The following PLXDC2 variants were observed in gnomAD, a reference collection of about 807,000 sequenced individuals.
PLXDC2 encodes plexin domain-containing protein 2.
A neutral mutation model predicts 68.9 loss-of-function variants in PLXDC2; 40 were observed. That is an observed-to-expected ratio of 0.58 (90% confidence interval 0.45 to 0.76). PLXDC2 has a LOEUF of 0.76. Among genes scored for constraint, PLXDC2 ranks in the 30% least tolerant of loss-of-function variants. The probability of loss-of-function intolerance (pLI) is 0.00; values close to 1 mark genes in which losing one functional copy is unlikely to be tolerated. For missense variants in PLXDC2, 644 were observed against 661.9 expected (o/e 0.97, Z 0.30); for synonymous variants, 243 against 234.2 (o/e 1.04, Z -0.34).
At chr10:20,002,425 A>G (rs1482010907) in intron 2 of PLXDC2, among the ~76,000 whole-genome samples, 1 of 151,814 alleles carries the variant, frequency 6.6e-6, no homozygotes, top group Non-Finnish European at 1.5e-5. Context: ...ACTTTTGGCT[A>G]TTTTTTGTAT....
intron 4 of PLXDC2, among the ~76,000 whole-genome samples, chr10:20,128,153 C>G (rs1254201596): frequency 6.6e-6 from 1 of 152,172 alleles, no homozygotes; most frequent in Non-Finnish European, 1.5e-5. Flanking sequence ...TTTGCAAACA[C>G]AGGGCAGTCT....
At chr10:20,135,754 C>G (rs1833925443) in intron 4 of PLXDC2, among the ~76,000 whole-genome samples, 1 of 152,018 alleles carries the variant, frequency 6.6e-6, no homozygotes. Flanking sequence ...CTTTTTTCCC[C>G]CAAGGAATGG....
chr10:20,213,337 C>T (rs1205701497), intron 10 of PLXDC2, among the ~76,000 whole-genome samples: 1 of 151,998 alleles, frequency 6.6e-6, no homozygotes, highest in Non-Finnish European at 1.5e-5. Context: ...CAATATCTTG[C>T]AAAGTCACCT....
intron 4 of PLXDC2, 26 bp from the exon 5 acceptor site, chr10:20,143,267 AAT>A (rs1361715662): frequency 6.3e-7 from 1 of 1,584,452 alleles, no homozygotes; most frequent in Non-Finnish European, 8.6e-7. Flanking sequence ...TCTTTTTCTG[AAT>A]ATGTTTCCTA....
chr10:20,205,451 A>C (rs1341749109), intron 9 of PLXDC2, among the ~76,000 whole-genome samples: 1 of 152,130 alleles, frequency 6.6e-6, no homozygotes, highest in Non-Finnish European at 1.5e-5. Flanking sequence ...ATTTCTGTCC[A>C]TTTTGAATAA....
chr10:19,979,129 T>C (rs191510365), intron 1 of PLXDC2, among the ~76,000 whole-genome samples: 1 of 152,274 alleles, frequency 6.6e-6, no homozygotes, highest in Non-Finnish European at 1.5e-5. Context: ...TAACCAAACA[T>C]TCATAAACTT....
intron 12 of PLXDC2, among the ~76,000 whole-genome samples, chr10:20,232,349 C>G (rs1415919755): frequency 6.6e-6 from 1 of 152,008 alleles, no homozygotes; most frequent in Non-Finnish European, 1.5e-5. Context: ...AGGAATTCCA[C>G]TTCTATGTAT....
At chr10:19,841,493 T>C (rs1836904200) in intron 1 of PLXDC2, among the ~76,000 whole-genome samples, 1 of 151,892 alleles carries the variant, frequency 6.6e-6, no homozygotes, top group Non-Finnish European at 1.5e-5. Context: ...GTTTATCATC[T>C]AGTGATCATA....
chr10:19,959,950 G>A (rs1296972528), intron 1 of PLXDC2, among the ~76,000 whole-genome samples: 1 of 152,136 alleles, frequency 6.6e-6, no homozygotes, highest in African/African-American at 2.4e-5. Flanking sequence ...GTACTATGTG[G>A]CACAGATGTG....
chr10:20,087,728 G>C (rs1012394210), intron 4 of PLXDC2, among the ~76,000 whole-genome samples: 6 of 152,146 alleles, frequency 3.9e-5, no homozygotes, highest in Non-Finnish European at 7.3e-5. Context: ...TAAAACCAAG[G>C]CCGATATATT....
chr10:20,201,914 C>G (rs887463389), intron 9 of PLXDC2, among the ~76,000 whole-genome samples: 3 of 152,130 alleles, frequency 2.0e-5, no homozygotes, highest in Admixed American at 2.0e-4. Flanking sequence ...CGAGGTTGAA[C>G]GTAAAACTAA....
chr10:20,005,973 T>G (rs774676245), intron 2 of PLXDC2, among the ~76,000 whole-genome samples: 5 of 152,166 alleles, frequency 3.3e-5, no homozygotes, highest in Non-Finnish European at 5.9e-5. Context: ...GCAGATCACC[T>G]GAAGTCAGTA....
At chr10:19,868,053 G>A (rs961561013) in intron 1 of PLXDC2, among the ~76,000 whole-genome samples, 2 of 152,072 alleles carry the variant, frequency 1.3e-5, no homozygotes, top group African/African-American at 4.8e-5. Context: ...CCGTTTCAAT[G>A]TGATACGTGG....
chr10:19,869,208 G>A (rs1383757985), intron 1 of PLXDC2, among the ~76,000 whole-genome samples: 1 of 151,970 alleles, frequency 6.6e-6, no homozygotes, highest in South Asian at 2.1e-4. Flanking sequence ...ACCAGCTTGG[G>A]CCACATGGAG....
Position 19,844,468 on chromosome 10 carries a change from A to G in PLXDC2, c.112+27277A>G, listed in dbSNP as rs144087879. ...ATTACAAACCACCGGACACTCACAAATAGAGGAGGGTCTTGCTTTTCAAAG... is the reference window on the plus strand; with the variant it reads ...ATTACAAACCACCGGACACTCACAAGTAGAGGAGGGTCTTGCTTTTCAAAG... On this transcript the variant is annotated intron_variant, in intron 1 of 13. Transcript: ENST00000377252. Among the ~76,000 whole-genome samples the G allele has an allele frequency of 7.9e-3, 1,208 of 152,324 alleles. 20 individuals carry two copies. The highest frequency in any genetic ancestry group is 0.027 in the African/African-American group (1,110 of 41,572).
In PLXDC2 at chr10:20,284,330, T is replaced by TATATATATATATATATATATATACACAC. The variant is rs1484131963; in HGVS notation, c.*4512_*4513insTATATATATATATATATATATACACACA. ...AAATATACATATATATATATATATA[T>TATATATATATATATATATATATACACAC]ACACACACACACACACACACACAAA... On this transcript the variant is annotated 3_prime_UTR_variant, in exon 14 of 14. Coordinates refer to ENST00000377252, the MANE Select transcript of PLXDC2 (RefSeq NM_032812.9). The TATATATATATATATATATATATACACAC allele has an allele frequency of 7.4e-4, 93 of 126,292 alleles. No homozygotes were observed. The highest frequency in any genetic ancestry group is 1.7e-3 in the African/African-American group (59 of 34,346). 7.8% of individuals were successfully genotyped at this position (126,292 alleles called of 1,614,324 possible). A position where few individuals can be genotyped will look rare whatever the true frequency, so the allele number is the denominator to read the frequency against.
chr10:20,245,295 A>T, intron 12 of PLXDC2, 50 bp from the exon 13 acceptor site: 1 of 1,532,064 alleles, frequency 6.5e-7, no homozygotes, highest in Non-Finnish European at 8.8e-7. Flanking sequence ...TGAAAATGCA[A>T]ACTTGAGGGT....
chr10:20,147,530 C>T (rs955571456), intron 5 of PLXDC2, among the ~76,000 whole-genome samples: 3 of 152,024 alleles, frequency 2.0e-5, no homozygotes, highest in East Asian at 1.9e-4. Context: ...GCAAAATTCC[C>T]CCACACTGCA....
chr10:20,140,278 G>A lies in PLXDC2; in HGVS notation c.542-3017G>A, dbSNP rs535567002. Among the ~76,000 whole-genome samples the A allele has an allele frequency of 4.6e-4, 70 of 151,930 alleles. 1 individual carries two copies. Among genetic ancestry groups the A allele is most frequent in the East Asian group, 5.8e-4 (3 of 5,156 alleles). ...CGCGCCACTGCACTCCAGCCTGGGCGACAGAGCGAGACTCCATCTCAAAAA... is the reference window on the plus strand; with the variant it reads ...CGCGCCACTGCACTCCAGCCTGGGCAACAGAGCGAGACTCCATCTCAAAAA... On this transcript the variant is annotated intron_variant, in intron 4 of 13. Transcript: ENST00000377252.
Sources: gnomAD v4.1 joint callset for allele counts (sites outside exome capture counted in the v4.1 genomes callset) on GRCh38, gnomAD v4.1.1 for gene constraint, MANE v1.5 for transcripts, NCBI Gene and HGNC (gene_info 2026-07-23, HGNC 2026-07-21) for gene names.